The following MARCHF10 variants were observed in gnomAD, a reference collection of about 807,000 sequenced individuals.
MARCHF10 encodes membrane associated ring-CH-type finger 10.
MARCHF10 carries 64 observed loss-of-function variants against 76.2 expected under a neutral mutation model. That is an observed-to-expected ratio of 0.84 (90% CI 0.69 to 1.03). The LOEUF (loss-of-function observed/expected upper bound fraction) is 1.03. Ranked by LOEUF, MARCHF10 falls within the 50% of genes least tolerant of loss-of-function variation. The pLI, the probability that MARCHF10 is intolerant of heterozygous loss-of-function variation, is 0.00. For synonymous variants in MARCHF10, 340 were observed against 357.5 expected (o/e 0.95, Z 0.55); for missense variants, 875 against 958.0 (o/e 0.91, Z 1.14).
chr17:62,734,945 T>C (rs779426328), intron 6 of MARCHF10, among the ~76,000 whole-genome samples: 1 of 152,174 alleles, frequency 6.6e-6, no homozygotes, highest in Non-Finnish European at 1.5e-5. Context: ...TGAGGATTGG[T>C]GGGTGTAAGG....
At chr17:62,718,011 G>A (rs2090303979) in intron 8 of MARCHF10, among the ~76,000 whole-genome samples, 2 of 152,290 alleles carry the variant, frequency 1.3e-5, no homozygotes, top group African/African-American at 2.4e-5. Context: ...ATTGGTGCAC[G>A]TAGCTTTCTC....
chr17:62,797,954 G>A (rs776710543), intron 2 of MARCHF10, among the ~76,000 whole-genome samples: 2 of 152,152 alleles, frequency 1.3e-5, no homozygotes, highest in East Asian at 1.9e-4. Flanking sequence ...GGGATGAGGA[G>A]GGAGAGGAAG....
intron 8 of MARCHF10, among the ~76,000 whole-genome samples, chr17:62,713,948 G>C (rs1282409450): frequency 6.6e-6 from 1 of 152,270 alleles, no homozygotes; most frequent in Non-Finnish European, 1.5e-5. Context: ...TTTAGGCCAA[G>C]AGACTTGCTA....
chr17:62,803,314 T>A (rs963872787), intron 1 of MARCHF10, among the ~76,000 whole-genome samples: 1 of 151,966 alleles, frequency 6.6e-6, no homozygotes, highest in African/African-American at 2.4e-5. Context: ...AATTGTATTT[T>A]AAAAAGATCC....
intron 1 of MARCHF10, among the ~76,000 whole-genome samples, chr17:62,802,930 A>G (rs1199335323): frequency 1.3e-5 from 2 of 152,172 alleles, no homozygotes; most frequent in African/African-American, 4.8e-5. Context: ...TGGGAAGTAA[A>G]TGATTAGATT....
chr17:62,806,168 C>T (rs2093161055), intron 1 of MARCHF10, among the ~76,000 whole-genome samples: 2 of 152,112 alleles, frequency 1.3e-5, no homozygotes, highest in South Asian at 4.1e-4. Flanking sequence ...TCTGTGTTTG[C>T]TTGAAGTTCA....
At chr17:62,807,899 C>T (rs900842523) in intron 1 of MARCHF10, among the ~76,000 whole-genome samples, 178 bp downstream of exon 1, 1 of 152,204 alleles carries the variant, frequency 6.6e-6, no homozygotes, top group Non-Finnish European at 1.5e-5. Flanking sequence ...CGGTCTCCCC[C>T]AAACCTGTCC....
chr17:62,783,206 T>G lies in MARCHF10; in HGVS notation c.210+5274A>C, dbSNP rs1229121127. Among the ~76,000 whole-genome samples the G allele has an allele frequency of 9.0e-4, 133 of 147,996 alleles. 1 individual carries two copies. The highest frequency in any genetic ancestry group is 3.5e-3 in the Middle Eastern group (1 of 288). ...GGAAAAATTGCCAGTTTTTTTTTTT[T>G]TTTTTTTTTTTTTTGCATTTTACTA... is the stretch of plus-strand genomic sequence containing the variant. On this transcript the variant is annotated intron_variant, in intron 3 of 10. Transcript: ENST00000311269.
rs114192388 is a variant in MARCHF10, at chr17:62,727,892, C to T, written c.1938-2788G>A. Among the ~76,000 whole-genome samples, 1,200 of 152,266 alleles carry T rather than the reference C, an allele frequency of 7.9e-3. 16 individuals are homozygous for T. The highest frequency in any genetic ancestry group is 0.027 in the African/African-American group (1,129 of 41,540). ...AGGGGATGGGGCAATTATGAGGGTA[C>T]GAGCTCAAGAACTGCTTCAGCACGA... On this transcript the variant is annotated intron_variant, in intron 6 of 10. Transcript: ENST00000311269.
At chr17:62,807,935 T>C (rs1022171249) in intron 1 of MARCHF10, 142 bp downstream of exon 1, 1 of 152,266 alleles carries the variant, frequency 6.6e-6, no homozygotes, top group Non-Finnish European at 1.5e-5. Context: ...ATGCTGGGGC[T>C]GGGGTCAGCC....
intron 6 of MARCHF10, 27 bp from the exon 7 acceptor site, chr17:62,725,131 C>T (rs1347374995): frequency 1.3e-6 from 2 of 1,556,916 alleles, no homozygotes; most frequent in African/African-American, 2.8e-5. Context: ...GCCCTCGTGA[C>T]CAGGAGGCTA....
At chr17:62,760,210 G>T (rs187079130) in intron 3 of MARCHF10, among the ~76,000 whole-genome samples, 53 of 152,250 alleles carry the variant, frequency 3.5e-4, no homozygotes, top group African/African-American at 1.1e-3. Context: ...TAGTGAGTCT[G>T]TTTTGTAGAA....
intron 6 of MARCHF10, among the ~76,000 whole-genome samples, chr17:62,726,754 G>C (rs936811929): frequency 7.9e-5 from 12 of 152,066 alleles, no homozygotes; most frequent in Non-Finnish European, 1.3e-4. Flanking sequence ...TCAGCCTCCC[G>C]AGTAGCTGGG....
At chr17:62,730,977 A>C (rs1207433280) in intron 6 of MARCHF10, among the ~76,000 whole-genome samples, 1 of 152,224 alleles carries the variant, frequency 6.6e-6, no homozygotes, top group Non-Finnish European at 1.5e-5. Context: ...AGTTGGTAGA[A>C]TCAGGAATGA....
intron 5 of MARCHF10, among the ~76,000 whole-genome samples, chr17:62,742,123 G>A (rs758104178): frequency 2.0e-5 from 3 of 149,494 alleles, no homozygotes; most frequent in Admixed American, 1.3e-4. Context: ...AGGTTCAAGC[G>A]ATTCTCTTGC....
chr17:62,713,698 C>T (rs1041522619), intron 8 of MARCHF10, among the ~76,000 whole-genome samples: 1 of 152,210 alleles, frequency 6.6e-6, no homozygotes, highest in Non-Finnish European at 1.5e-5. Flanking sequence ...GCCAAATGAA[C>T]GAGGTTTTGG....
At chr17:62,726,384 T>TC (rs2090758010) in intron 6 of MARCHF10, among the ~76,000 whole-genome samples, 1 of 152,234 alleles carries the variant, frequency 6.6e-6, no homozygotes, top group Non-Finnish European at 1.5e-5. Flanking sequence ...AAGACTTTTT[T>TC]CCCCATGAAA....
intron 3 of MARCHF10, among the ~76,000 whole-genome samples, chr17:62,773,745 T>C (rs1597984246): frequency 2.6e-5 from 4 of 151,440 alleles, no homozygotes; most frequent in Admixed American, 2.6e-4. Flanking sequence ...TGGCGTGAGG[T>C]GGAAGAGAGG....
At chr17:62,807,077 C>A (rs2093174994) in intron 1 of MARCHF10, among the ~76,000 whole-genome samples, 1 of 152,206 alleles carries the variant, frequency 6.6e-6, no homozygotes, top group African/African-American at 2.4e-5. Flanking sequence ...AAATTACTCC[C>A]TTTCCACAAT....
Sources: allele counts gnomAD v4.1 joint callset (sites outside exome capture counted in the v4.1 genomes callset), GRCh38; gene constraint gnomAD v4.1.1; transcripts MANE v1.5; gene names NCBI Gene and HGNC (gene_info 2026-07-23, HGNC 2026-07-21).